Variants in ABCA13 observed in about 807,000 individuals in gnomAD.
The protein encoded by ABCA13 is ATP binding cassette subfamily A member 13, also known as ATP-binding cassette sub-family A member 13.
ABCA13 carries 476 observed loss-of-function variants against 478.7 expected under a neutral mutation model. The observed-to-expected ratio is 0.99, with a 90% CI of 0.92 to 1.07. The LOEUF is 1.07. ABCA13 is among the 50% of genes least tolerant of loss of function. ABCA13 has a pLI of 0.00. For missense variants in ABCA13, 6,060 were observed against 5,910.6 expected (o/e 1.03, Z -0.83); for synonymous variants, 2,252 against 2,158.9 (o/e 1.04, Z -1.20).
chr7:48,410,054 A>G (rs902603104), intron 39 of ABCA13, among the ~76,000 whole-genome samples: 2 of 143,334 alleles, frequency 1.4e-5, no homozygotes, highest in African/African-American at 5.1e-5. Context: ...AGTTGGTGCC[A>G]CTGCACTCCA....
At chr7:48,335,144 T>G (rs1806050016) in intron 27 of ABCA13, among the ~76,000 whole-genome samples, 1 of 152,214 alleles carries the variant, frequency 6.6e-6, no homozygotes, top group Non-Finnish European at 1.5e-5. Flanking sequence ...CAGTATATAC[T>G]GGGGACATAT....
chr7:48,230,706 T>C (rs1319255907), intron 7 of ABCA13, among the ~76,000 whole-genome samples: 3 of 151,928 alleles, frequency 2.0e-5, no homozygotes, highest in Non-Finnish European at 2.9e-5. Context: ...CGTCCATTAA[T>C]CCATCCATCT....
chr7:48,399,056 G>A (rs1817239663), intron 38 of ABCA13, among the ~76,000 whole-genome samples: 1 of 152,156 alleles, frequency 6.6e-6, no homozygotes, highest in Non-Finnish European at 1.5e-5. Context: ...AGCAATTTTA[G>A]TAGTGTGAAG....
At chr7:48,501,063 G>A (rs79938552) in intron 48 of ABCA13, among the ~76,000 whole-genome samples, 5,098 of 152,178 alleles carry the variant, frequency 0.034, 93 homozygotes, top group East Asian at 0.081. Context: ...CCAGTGCCCC[G>A]GTTTTCACCA....
chr7:48,433,604 A>C (rs1056977934), intron 42 of ABCA13, among the ~76,000 whole-genome samples: 9 of 151,864 alleles, frequency 5.9e-5, no homozygotes, highest in African/African-American at 2.2e-4. Flanking sequence ...ATTATTGTGC[A>C]ACCATCATCA....
At chr7:48,197,497 G>A (rs572010304) in intron 2 of ABCA13, among the ~76,000 whole-genome samples, 43 of 152,244 alleles carry the variant, frequency 2.8e-4, no homozygotes, top group African/African-American at 9.1e-4. Flanking sequence ...AGGAGGGCCC[G>A]GCTGCAGCAG....
rs1796210817 is a variant in ABCA13 at position 48,275,698 on chromosome 7, AAGAC to A, written c.6033_6036del (p.Glu2011AspfsTer4). On this transcript the variant is annotated frameshift_variant, in exon 17 of 62. Transcript: ENST00000435803. LOFTEE classifies it high-confidence loss of function. ...GAAAGGACAGTACAATTGATTTCTGAAGACTGGAGCCTAGAAAAAAGTACGCATA... is the reference window on the plus strand; with the variant it reads ...GAAAGGACAGTACAATTGATTTCTGATGGAGCCTAGAAAAAAGTACGCATA... The A allele has an allele frequency of 6.3e-7, 1 of 1,599,222 alleles. No individual in the cohort carries two copies. The highest frequency in any genetic ancestry group is 1.3e-5 in the African/African-American group (1 of 74,654).
At chr7:48,412,929 A>C (rs968319380) in intron 41 of ABCA13, among the ~76,000 whole-genome samples, 3 of 151,480 alleles carry the variant, frequency 2.0e-5, no homozygotes, top group African/African-American at 7.3e-5. Flanking sequence ...CTCCTGCCTC[A>C]GCCTCCTGAG....
At chr7:48,306,983 T>G (rs1046966474) in intron 23 of ABCA13, among the ~76,000 whole-genome samples, 3 of 152,102 alleles carry the variant, frequency 2.0e-5, no homozygotes, top group Admixed American at 2.0e-4. Flanking sequence ...AAGAGTAAGT[T>G]CCATCTCCAG....
chr7:48,533,542 C>T lies in ABCA13; in HGVS notation c.14354+5197C>T, dbSNP rs535896470. On this transcript the variant is annotated intron_variant, in intron 55 of 61. Coordinates refer to ENST00000435803, the MANE Select transcript of ABCA13 (RefSeq NM_152701.5). ...AGGGTATAGTTTAAGTCCATTGTTT[C>T]TTTGTTGACTTTCTGTCTTGGTGAC... Among the ~76,000 whole-genome samples the T allele has an allele frequency of 3.8e-4, 58 of 152,062 alleles. 1 individual carries two copies. In the South Asian group the frequency reaches 0.011, roughly 29 times the overall value.
chr7:48,413,288 G>T (rs1386894755), intron 41 of ABCA13, among the ~76,000 whole-genome samples: 1 of 152,222 alleles, frequency 6.6e-6, no homozygotes, highest in Non-Finnish European at 1.5e-5. Context: ...TGATGTGAGA[G>T]GGTTTAGCAC....
chr7:48,332,913 G>A (rs1805630632), intron 27 of ABCA13, among the ~76,000 whole-genome samples: 1 of 152,130 alleles, frequency 6.6e-6, no homozygotes, highest in Non-Finnish European at 1.5e-5. Flanking sequence ...GTGGTTTAAT[G>A]TAGATTTCTC....
chr7:48,627,191 C>T (rs573264867), intron 59 of ABCA13: 10 of 414,612 alleles, frequency 2.4e-5, no homozygotes, highest in Non-Finnish European at 3.2e-5. Flanking sequence ...AGAATTTAAG[C>T]AGTTGGCCCC....
chr7:48,330,076 TTCATCCATC>T (rs1805046620), intron 27 of ABCA13, among the ~76,000 whole-genome samples: 2 of 141,750 alleles, frequency 1.4e-5, no homozygotes, highest in Admixed American at 1.4e-4. Context: ...CATCCATCCA[TTCATCCATC>T]CATCTATCCA....
At chr7:48,262,237 T>G (rs922474345) in intron 15 of ABCA13, among the ~76,000 whole-genome samples, 1 of 151,946 alleles carries the variant, frequency 6.6e-6, no homozygotes, top group Non-Finnish European at 1.5e-5. Context: ...CAGTCTGGTT[T>G]TATTTCTTCA....
At chr7:48,634,386 A>G (rs985399896) in intron 59 of ABCA13, among the ~76,000 whole-genome samples, 4 of 152,326 alleles carry the variant, frequency 2.6e-5, no homozygotes, top group African/African-American at 9.6e-5. Flanking sequence ...ATTATTTCTT[A>G]AAACATTTGG....
chr7:48,617,983 A>G (rs980365122), intron 59 of ABCA13, among the ~76,000 whole-genome samples: 2 of 152,180 alleles, frequency 1.3e-5, no homozygotes, highest in Non-Finnish European at 2.9e-5. Context: ...TTCCCAAACC[A>G]AAGAACTTTT....
intron 54 of ABCA13, 118 bp from the exon 55 acceptor site, chr7:48,528,118 A>C (rs186723798): frequency 2.5e-6 from 2 of 798,190 alleles, no homozygotes; most frequent in Non-Finnish European, 4.1e-6. Context: ...AGCAAAGTCA[A>C]CTCAAAGTTG....
chr7:48,240,803 A>G (rs1790714265), intron 9 of ABCA13, 64 bp from the exon 10 acceptor site: 1 of 1,350,122 alleles, frequency 7.4e-7, no homozygotes, highest in Non-Finnish European at 9.8e-7. Context: ...ATATTTCTTA[A>G]CTAAATACTG....
Sources: allele counts gnomAD v4.1 joint callset (sites outside exome capture counted in the v4.1 genomes callset), GRCh38; gene constraint gnomAD v4.1.1; transcripts MANE v1.5; gene names NCBI Gene and HGNC (gene_info 2026-07-23, HGNC 2026-07-21).